Variants in PLEKHM3 observed in about 807,000 individuals in gnomAD.
The protein encoded by PLEKHM3 is pleckstrin homology domain-containing family M member 3.
In PLEKHM3, 45 loss-of-function variants were observed where a neutral mutation model predicts 81.8. That is an observed-to-expected ratio of 0.55 (90% CI 0.43 to 0.71). The LOEUF (loss-of-function observed/expected upper bound fraction) is 0.71, where lower values mean the gene tolerates loss of function less well. Among genes scored for constraint, PLEKHM3 ranks in the 30% least tolerant of loss-of-function variants. The pLI, the probability that PLEKHM3 is intolerant of heterozygous loss-of-function variation, is 0.00. For missense variants in PLEKHM3, 788 were observed against 924.3 expected, an observed-to-expected ratio of 0.85 and a Z score of 1.91; for synonymous variants, 352 against 356.4, an observed-to-expected ratio of 0.99 and a Z score of 0.14.
intron 6 of PLEKHM3, among the ~76,000 whole-genome samples, chr2:207,874,207 A>T (rs1303139766): frequency 1.3e-5 from 2 of 152,212 alleles, no homozygotes; most frequent in East Asian, 1.9e-4. Context: ...GAATTTTTAA[A>T]TAAATGATGT....
chr2:207,861,914 A>T (rs2092469764), intron 6 of PLEKHM3, among the ~76,000 whole-genome samples: 2 of 152,164 alleles, frequency 1.3e-5, no homozygotes, highest in Non-Finnish European at 2.9e-5. Context: ...AAATCAGATG[A>T]TCTAGCACAA....
intron 3 of PLEKHM3, among the ~76,000 whole-genome samples, chr2:207,968,959 C>T (rs1420339780): frequency 2.0e-5 from 3 of 152,212 alleles, no homozygotes; most frequent in African/African-American, 7.2e-5. Context: ...CAATTAGCTA[C>T]ATACCTATTC....
chr2:207,936,202 C>T (rs1331511881), intron 4 of PLEKHM3, among the ~76,000 whole-genome samples: 1 of 152,138 alleles, frequency 6.6e-6, no homozygotes, highest in African/African-American at 2.4e-5. Context: ...CCAAGCTGGT[C>T]TCAAGCAAAT....
At chr2:207,889,296 C>T (rs1318443511) in intron 6 of PLEKHM3, among the ~76,000 whole-genome samples, 1 of 152,092 alleles carries the variant, frequency 6.6e-6, no homozygotes, top group African/African-American at 2.4e-5. Context: ...GCAGTCAACC[C>T]TGGTCAAGGA....
Position 207,828,195 on chromosome 2 carries a change from T to C in PLEKHM3, c.*124A>G. On this transcript the variant is annotated 3_prime_UTR_variant, in exon 8 of 8. Transcript: ENST00000427836. ...GCGTATATATAAATAAATATATATA[T>C]CTATATCTAGTTGAAGAGGATACAT... 1.3e-6 allele frequency: 1 copy of C among 786,670 alleles called. No individual in the cohort carries two copies. The highest frequency in any genetic ancestry group is 2.4e-5 in the South Asian group (1 of 42,502). 48.7% of individuals were successfully genotyped at this position (786,670 alleles called of 1,614,324 possible).
At chr2:207,914,890 C>T (rs1034647925) in intron 5 of PLEKHM3, among the ~76,000 whole-genome samples, 1 of 152,154 alleles carries the variant, frequency 6.6e-6, no homozygotes, top group Non-Finnish European at 1.5e-5. Flanking sequence ...TATTAATCAT[C>T]ATGTCTGGCA....
intron 1 of PLEKHM3, among the ~76,000 whole-genome samples, chr2:208,018,986 A>C (rs1693024468): frequency 6.8e-6 from 1 of 147,478 alleles, no homozygotes; most frequent in African/African-American, 2.5e-5. Context: ...GCATCTCACA[A>C]AAAAAAAAAA....
chr2:207,918,332 C>T (rs1181872069), intron 5 of PLEKHM3, among the ~76,000 whole-genome samples: 3 of 152,150 alleles, frequency 2.0e-5, no homozygotes, highest in African/African-American at 7.2e-5. Flanking sequence ...ACCTTCCTGG[C>T]TAACACGGTG....
chr2:208,018,981 T>G (rs1693023804), intron 1 of PLEKHM3, among the ~76,000 whole-genome samples: 1 of 150,090 alleles, frequency 6.7e-6, no homozygotes. Flanking sequence ...CCACTGCATC[T>G]CACAAAAAAA....
intron 1 of PLEKHM3, among the ~76,000 whole-genome samples, chr2:208,016,668 A>AAAACACACACACACACACACAC (rs1553568085): frequency 9.7e-5 from 6 of 61,550 alleles, no homozygotes; most frequent in Non-Finnish European, 1.6e-4. Flanking sequence ...AAAAAAAAAA[A>AAAACACACACACACACACACAC]ATACACACAC....
chr2:207,994,533 AATC>A (rs1692007081), intron 2 of PLEKHM3, among the ~76,000 whole-genome samples: 1 of 152,140 alleles, frequency 6.6e-6, no homozygotes, highest in African/African-American at 2.4e-5. Context: ...ACTTGTAAGA[AATC>A]AGCCATTCTG....
Position 208,001,143 on chromosome 2 carries a change from G to A in PLEKHM3, c.497C>T (p.Thr166Met), listed in dbSNP as rs760226892. 1.4e-5 allele frequency: 23 copies of A among 1,612,176 alleles called. No homozygotes were observed. The highest frequency in any genetic ancestry group is 2.2e-5 in the East Asian group (1 of 44,652). The stretch of plus-strand genomic sequence containing the variant: ...CTGCTGTTGCTGCTGCTGCAAAGGC[G>A]TGGTTTTGAGGACTACCCTCCAGTC... ...QVDWRVVLKTTPLQQQQQQQP... is the reference protein window; with the variant it reads ...QVDWRVVLKTMPLQQQQQQQP... The change falls in exon 2 of 8, where the codon ACG (threonine) becomes ATG (methionine). Residue 166 changes from threonine to methionine, a missense_variant. Physicochemically the swap from Thr to Met is moderately conservative, Grantham distance 81. Coordinates refer to ENST00000427836, the MANE Select transcript of PLEKHM3 (RefSeq NM_001080475.3).
chr2:207,860,604 C>G (rs2092462407), intron 7 of PLEKHM3, among the ~76,000 whole-genome samples: 1 of 152,182 alleles, frequency 6.6e-6, no homozygotes, highest in Non-Finnish European at 1.5e-5. Context: ...CATAAACTCC[C>G]ATTTTTCTCT....
At chr2:207,984,716 T>G (rs565457777) in intron 2 of PLEKHM3, among the ~76,000 whole-genome samples, 1 of 152,280 alleles carries the variant, frequency 6.6e-6, no homozygotes, top group South Asian at 2.1e-4. Flanking sequence ...TTTGAATGAG[T>G]TCATATGTTG....
intron 2 of PLEKHM3, among the ~76,000 whole-genome samples, chr2:207,984,047 ATTTCATTACAGAAAG>A (rs1691632453): frequency 6.6e-6 from 1 of 152,200 alleles, no homozygotes; most frequent in African/African-American, 2.4e-5. Context: ...GGCCTTCAAC[ATTTCATTACAGAAAG>A]TTTCAAACAC....
chr2:208,005,586 A>C (rs999875851), intron 1 of PLEKHM3, among the ~76,000 whole-genome samples: 1 of 152,218 alleles, frequency 6.6e-6, no homozygotes, highest in African/African-American at 2.4e-5. Flanking sequence ...TTAAGGTTAT[A>C]TACTATGAAC....
intron 5 of PLEKHM3, among the ~76,000 whole-genome samples, chr2:207,921,577 CACCCTACAG>C (rs887031072): frequency 2.6e-5 from 4 of 152,106 alleles, no homozygotes; most frequent in Admixed American, 2.0e-4. Context: ...TAACTATATT[CACCCTACAG>C]TGCTATAGAA....
At chr2:207,923,311 GAA>G (rs1421392859) in intron 5 of PLEKHM3, among the ~76,000 whole-genome samples, 3 of 152,112 alleles carry the variant, frequency 2.0e-5, no homozygotes, top group African/African-American at 7.2e-5. Flanking sequence ...TGAAAAAAAA[GAA>G]AATTATTAAA....
chr2:207,853,448 A>T (rs2092423191), intron 7 of PLEKHM3, among the ~76,000 whole-genome samples: 1 of 150,558 alleles, frequency 6.6e-6, no homozygotes, highest in Non-Finnish European at 1.5e-5. Context: ...TATTAAAAGT[A>T]CAGGGCCCGG....
Sources: allele counts gnomAD v4.1 joint callset (sites outside exome capture counted in the v4.1 genomes callset), GRCh38; gene constraint gnomAD v4.1.1; transcripts MANE v1.5; gene names NCBI Gene and HGNC (gene_info 2026-07-23, HGNC 2026-07-21).